The following ACTN2 variants were observed in gnomAD, a reference collection of about 807,000 sequenced individuals.
ACTN2 encodes the protein actinin alpha 2.
ACTN2 carries 39 observed loss-of-function variants against 113.8 expected under a neutral mutation model. The observed-to-expected ratio is 0.34, with a 90% CI of 0.27 to 0.45. The LOEUF (loss-of-function observed/expected upper bound fraction) is 0.45. Ranked by LOEUF, ACTN2 falls within the 20% of genes least tolerant of loss-of-function variation. ACTN2 has a pLI of 1.00. For synonymous variants in ACTN2, 429 were observed against 444.1 expected, an observed-to-expected ratio of 0.97 and a Z score of 0.43; for missense variants, 992 against 1,177.9, an observed-to-expected ratio of 0.84 and a Z score of 2.31.
At chr1:236,720,878 A>AG (rs1658363099) in intron 4 of ACTN2, among the ~76,000 whole-genome samples, 1 of 147,988 alleles carries the variant, frequency 6.8e-6, no homozygotes, top group Non-Finnish European at 1.5e-5. Context: ...AATGTGTTTC[A>AG]GGGCTGCTGC....
At chr1:236,703,603 G>T (rs753965660) in intron 1 of ACTN2, among the ~76,000 whole-genome samples, 26 of 151,802 alleles carry the variant, frequency 1.7e-4, no homozygotes, top group Non-Finnish European at 3.4e-4. Flanking sequence ...TTAAAAGGTG[G>T]GGGAAGGGTT....
chr1:236,709,344 G>A (rs895842271), intron 1 of ACTN2, among the ~76,000 whole-genome samples: 3 of 133,890 alleles, frequency 2.2e-5, no homozygotes, highest in South Asian at 2.3e-4. Context: ...ATATATACGT[G>A]TATATATATA....
At chr1:236,747,876 G>A in intron 13 of ACTN2, 101 bp downstream of exon 13, 1 of 958,060 alleles carries the variant, frequency 1.0e-6, no homozygotes, top group Admixed American at 2.1e-5. Context: ...CATGAAACAG[G>A]TTGCCTAGTG....
At chr1:236,726,762 G>A (rs1658560764) in intron 5 of ACTN2, among the ~76,000 whole-genome samples, 1 of 152,138 alleles carries the variant, frequency 6.6e-6, no homozygotes, top group Non-Finnish European at 1.5e-5. Context: ...CAAGTGTCAG[G>A]CACTGAGCCA....
At position 236,757,496 on chromosome 1, in the gene ACTN2, T is replaced by C; in HGVS notation, c.2165T>C (p.Val722Ala). The change falls in exon 18 of 21, where the codon GTT (valine) becomes GCT (alanine). Residue 722 changes from valine to alanine, a missense_variant. Around this residue, in one of 3 missense-constraint regions of ACTN2, gnomAD observed 736 missense variants for 815.4 expected, o/e 0.90. Transcript: ENST00000366578. ...HTNYTMEHIR[V>A]GWELLLTTIA... ...CTTTTCCCTCAATAGCACATTCGTGTTGGATGGGAGCTGCTGCTGACAACC... is the reference window on the plus strand; with the variant it reads ...CTTTTCCCTCAATAGCACATTCGTGCTGGATGGGAGCTGCTGCTGACAACC... The C allele has an allele frequency of 6.2e-7, 1 of 1,614,154 alleles. No individual in the cohort carries two copies. Among genetic ancestry groups the C allele is most frequent in the Non-Finnish European group, 8.5e-7 (1 of 1,180,020 alleles).
intron 1 of ACTN2, among the ~76,000 whole-genome samples, chr1:236,705,614 G>A (rs1423833602): frequency 1.3e-5 from 2 of 152,220 alleles, no homozygotes; most frequent in South Asian, 2.1e-4. Flanking sequence ...TAGATTTGTA[G>A]AAGAGCCTAG....
At chr1:236,741,926 C>A (rs1423104465) in intron 10 of ACTN2, among the ~76,000 whole-genome samples, 1 of 152,202 alleles carries the variant, frequency 6.6e-6, no homozygotes, top group Non-Finnish European at 1.5e-5. Flanking sequence ...AAACGCATCT[C>A]TCCCTCTGCC....
intron 9 of ACTN2, among the ~76,000 whole-genome samples, chr1:236,737,623 T>C (rs1297666224): frequency 6.6e-6 from 1 of 151,144 alleles, no homozygotes; most frequent in African/African-American, 2.4e-5. Flanking sequence ...TCACTCCACA[T>C]AGGGACCCAG....
chr1:236,743,121 A>G, intron 11 of ACTN2, 78 bp downstream of exon 11: 2 of 1,535,232 alleles, frequency 1.3e-6, no homozygotes, highest in South Asian at 1.1e-5. Flanking sequence ...CATCCTTACT[A>G]ACTCTGTGCC....
At position 236,761,440 on chromosome 1, in the gene ACTN2, T is replaced by C. The variant is rs72762104; in HGVS notation, c.2526+267T>C. 0.5 allele frequency among the ~76,000 whole-genome samples: 75,952 copies of C among 150,750 alleles called. 22,387 individuals carry two copies. Among genetic ancestry groups the C allele is most frequent in the Non-Finnish European group, 0.67 (45,014 of 67,412 alleles). On this transcript the variant is annotated intron_variant, in intron 20 of 20. Transcript: ENST00000366578. Reference sequence around the variant, plus strand: ...GAGTGTATTTGTACTTGCGTGTGTGTGTGTGTGTGTGTGTGTGTATGTGCG... The same window carrying C: ...GAGTGTATTTGTACTTGCGTGTGTGCGTGTGTGTGTGTGTGTGTATGTGCG...
Position 236,754,194 on chromosome 1 carries a change from G to A in ACTN2, c.1974+113G>A. On this transcript the variant is annotated intron_variant, in intron 16 of 20. Transcript: ENST00000366578. The surrounding 1 kb of genome is among the most constrained non-coding windows in gnomAD (Gnocchi z 4.9). ...TTCCAGCCACCCACTCAGTCAGGTGGGAGCACCGTTCTGTTATCACCCCGG... is the reference window on the plus strand; with the variant it reads ...TTCCAGCCACCCACTCAGTCAGGTGAGAGCACCGTTCTGTTATCACCCCGG... 1 of 1,415,690 alleles carries A rather than the reference G, an allele frequency of 7.1e-7. No individual in the cohort carries two copies. The highest frequency in any genetic ancestry group is 1.2e-5 in the South Asian group (1 of 85,686). The allele number at this position is 1,415,690 out of a possible 1,614,324, so 87.7% of individuals were successfully genotyped here.
At chr1:236,710,503 G>A (rs1373342991) in intron 1 of ACTN2, among the ~76,000 whole-genome samples, 1 of 152,198 alleles carries the variant, frequency 6.6e-6, no homozygotes, top group Non-Finnish European at 1.5e-5. Flanking sequence ...ACTGACAATT[G>A]TAGCCAGCAA....
At chr1:236,721,764 A>C (rs1279022358) in intron 4 of ACTN2, among the ~76,000 whole-genome samples, 1 of 152,220 alleles carries the variant, frequency 6.6e-6, no homozygotes, top group Non-Finnish European at 1.5e-5. Context: ...AATCTTGGTC[A>C]CACTGTTGCT....
At chr1:236,735,063 G>A (rs1379882137) in intron 7 of ACTN2, among the ~76,000 whole-genome samples, 3 of 152,208 alleles carry the variant, frequency 2.0e-5, no homozygotes, top group East Asian at 1.9e-4. Flanking sequence ...TTCTATAAGC[G>A]GTATGGTAAG....
Position 236,744,796 on chromosome 1 carries a change from G to C in ACTN2, c.1406+20G>C, listed in dbSNP as rs748640670. 6.2e-7 allele frequency: 1 copy of C among 1,613,872 alleles called. No individual in the cohort carries two copies. Among genetic ancestry groups the C allele is most frequent in the Non-Finnish European group, 8.5e-7 (1 of 1,179,958 alleles). On this transcript the variant is annotated intron_variant, in intron 12 of 20. Transcript: ENST00000366578. ...GCTCAAGTATGTGCAGATGCCCTCC[G>C]TCCTCCCGGGAGCCCCTGGGATTCC...
rs1657997494 is a variant in ACTN2 at position 236,710,685 on chromosome 1, G to A, written c.127-7173G>A. ...GCACAGCAGGAGGTGAGCAGCGGAT[G>A]ACCAAGTGAGCAGAAGCTGCTCCCC... On this transcript the variant is annotated intron_variant, in intron 1 of 20. Transcript: ENST00000366578. Among the ~76,000 whole-genome samples the A allele has an allele frequency of 2.0e-5, 3 of 152,210 alleles. No individual in the cohort carries two copies. In the South Asian group the frequency reaches 6.2e-4, roughly 32 times the overall value.
chr1:236,707,043 T>G (rs1558226339), intron 1 of ACTN2, among the ~76,000 whole-genome samples: 1 of 152,252 alleles, frequency 6.6e-6, no homozygotes, highest in Non-Finnish European at 1.5e-5. Context: ...AGAGTTAATT[T>G]TAAGGCTCTT....
intron 6 of ACTN2, among the ~76,000 whole-genome samples, chr1:236,728,408 G>T (rs1305087306): frequency 6.6e-6 from 1 of 152,196 alleles, no homozygotes; most frequent in Non-Finnish European, 1.5e-5. Context: ...CTCCCAAAGT[G>T]CTGGGATTAC....
intron 10 of ACTN2, among the ~76,000 whole-genome samples, chr1:236,740,689 C>T (rs2385496): frequency 0.46 from 69,909 of 151,826 alleles, 19,057 homozygotes; most frequent in Non-Finnish European, 0.61. Flanking sequence ...CCCGCCACCA[C>T]GGCCAGCTAA....
Sources: gnomAD v4.1 joint callset for allele counts (sites outside exome capture counted in the v4.1 genomes callset) on GRCh38, gnomAD v4.1.1 for gene constraint, gnomAD v4.1.1 regional missense constraint, Gnocchi (gnomAD v3.1) non-coding constraint, MANE v1.5 for transcripts, NCBI Gene and HGNC (gene_info 2026-07-23, HGNC 2026-07-21) for gene names.